KNDC1: variants seen among roughly 807,000 people sequenced by gnomAD.
KNDC1 encodes kinase non-catalytic C-lobe domain containing 1.
Under a neutral mutation model 172.8 loss-of-function variants are expected in KNDC1, and 106 were observed. That is an observed-to-expected ratio of 0.61 (90% CI 0.52 to 0.72). The LOEUF (loss-of-function observed/expected upper bound fraction) is 0.72, where lower values mean the gene tolerates loss of function less well. Ranked by LOEUF, KNDC1 falls within the 30% of genes least tolerant of loss-of-function variation. The pLI is 0.00. For missense variants in KNDC1, 2,325 were observed against 2,394.5 expected, an observed-to-expected ratio of 0.97 and a Z score of 0.61; for synonymous variants, 1,083 against 1,062.2, an observed-to-expected ratio of 1.02 and a Z score of -0.38.
rs941636198 is a variant in KNDC1 at position 133,198,826 on chromosome 10, C to A, written c.2318C>A (p.Ala773Asp). The change falls in exon 14 of 30, where the codon GCC (alanine) becomes GAC (aspartate). Residue 773 changes from alanine (A) to aspartate (D), a missense_variant. Transcript: ENST00000304613. ...GCCCCAGCAAACCAGCCAGAGGGGG[C>A]CTCATCGGCAGCTCCCGGCTCTCCA... is the stretch of plus-strand genomic sequence containing the variant. ...PQAPANQPEG[A>D]SSAAPGSPVP... is the part of the protein sequence containing the mutation. The A allele has an allele frequency of 3.1e-6, 5 of 1,600,298 alleles. No individual in the cohort carries two copies. The highest frequency in any genetic ancestry group is 3.4e-6 in the Non-Finnish European group (4 of 1,174,992).
Position 133,212,753 on chromosome 10 carries a change from T to C in KNDC1, c.4274T>C (p.Val1425Ala), listed in dbSNP as rs1222081232. Reference sequence around the variant, plus strand: ...AGGCTGCCCCGAGGCAACGGGCTGGTGCTGCCGCCACACAAGGAGCGCCCC... The same window carrying C: ...AGGCTGCCCCGAGGCAACGGGCTGGCGCTGCCGCCACACAAGGAGCGCCCC... ...PWRLPRGNGLVLPPHKERPYT... is the reference protein window; with the variant it reads ...PWRLPRGNGLALPPHKERPYT... The change falls in exon 24 of 30, where the codon GTG (valine) becomes GCG (alanine). Residue 1425 changes from valine (V) to alanine (A), a missense_variant. Val to Ala is a moderately conservative substitution (Grantham distance 64). Coordinates refer to ENST00000304613, the MANE Select transcript of KNDC1 (RefSeq NM_152643.8). 1 of 1,613,390 alleles carries C rather than the reference T, an allele frequency of 6.2e-7. No homozygotes were observed. Among genetic ancestry groups the C allele is most frequent in the Non-Finnish European group, 8.5e-7 (1 of 1,179,852 alleles).
At chr10:133,180,781 G>C (rs2135967986) in intron 3 of KNDC1, among the ~76,000 whole-genome samples, 1 of 152,376 alleles carries the variant, frequency 6.6e-6, no homozygotes, top group Admixed American at 6.5e-5. Context: ...CCTCAGCGGA[G>C]AAAGCATAGT....
At position 133,224,919 on chromosome 10, in the gene KNDC1, G is replaced by C; in HGVS notation, c.*29G>C. On this transcript the variant is annotated 3_prime_UTR_variant, in exon 30 of 30. Coordinates refer to ENST00000304613, the MANE Select transcript of KNDC1 (RefSeq NM_152643.8). The surrounding 1 kb of genome is among the most constrained non-coding windows in gnomAD (Gnocchi z 5.4). ...AGCTCGGGCCTGGTGTGGAATTCCA[G>C]ATCCGAATCCGACTGTGGGGGGCGG... 6.4e-7 allele frequency: 1 copy of C among 1,571,022 alleles called. No homozygotes were observed. Among genetic ancestry groups the C allele is most frequent in the South Asian group, 1.1e-5 (1 of 89,672 alleles).
intron 1 of KNDC1, among the ~76,000 whole-genome samples, chr10:133,165,428 C>T (rs1201099734): frequency 3.3e-5 from 5 of 152,166 alleles, no homozygotes; most frequent in Admixed American, 1.3e-4. Context: ...TGTGGGCTGG[C>T]GGCAGGCGCC....
intron 3 of KNDC1, among the ~76,000 whole-genome samples, chr10:133,173,704 T>C (rs1335354881): frequency 6.6e-6 from 1 of 152,244 alleles, no homozygotes; most frequent in Non-Finnish European, 1.5e-5. Context: ...CCCGGGTCAC[T>C]GTCTGGACAG....
chr10:133,206,411 C>T (rs1010691568), intron 17 of KNDC1, among the ~76,000 whole-genome samples: 1 of 152,144 alleles, frequency 6.6e-6, no homozygotes, highest in Non-Finnish European at 1.5e-5. Context: ...GAGCATCCCC[C>T]ACAAGGGCCT....
chr10:133,219,881 G>A (rs1012584991), intron 28 of KNDC1, 74 bp from the exon 29 acceptor site: 26 of 1,435,396 alleles, frequency 1.8e-5, no homozygotes, highest in Non-Finnish European at 1.9e-5. Flanking sequence ...GTTGGGCTGC[G>A]CTGGCCCCGG....
At chr10:133,181,894 G>A (rs1287439822) in intron 3 of KNDC1, among the ~76,000 whole-genome samples, 4 of 151,240 alleles carry the variant, frequency 2.6e-5, no homozygotes, top group Admixed American at 2.6e-4. Context: ...CTGCGAGGCA[G>A]TTTATGCCCC....
Position 133,224,181 on chromosome 10 carries a change from C to G in KNDC1, c.5019-478C>G, listed in dbSNP as rs1342300149. The stretch of plus-strand genomic sequence containing the variant: ...CAGTGTCCCCAGGCCTGGCTGAGGG[C>G]TCCTGCTCGTGACTGGCCAGCTTTC... On this transcript the variant is annotated intron_variant, in intron 29 of 29. Coordinates refer to ENST00000304613, the MANE Select transcript of KNDC1 (RefSeq NM_152643.8). The surrounding 1 kb of genome is among the most constrained non-coding windows in gnomAD (Gnocchi z 5.4). 6.6e-6 allele frequency among the ~76,000 whole-genome samples: 1 copy of G among 152,200 alleles called. No individual in the cohort carries two copies. Among genetic ancestry groups the G allele is most frequent in the Non-Finnish European group, 1.5e-5 (1 of 68,042 alleles).
intron 25 of KNDC1, 28 bp downstream of exon 25, chr10:133,213,755 G>A (rs766132419): frequency 1.2e-6 from 2 of 1,605,480 alleles, no homozygotes; most frequent in Non-Finnish European, 1.7e-6. Flanking sequence ...TCAGCTGGGA[G>A]CGGTGGTGGA....
rs750128097 is a variant in KNDC1 at position 133,180,862 on chromosome 10, A to G, written c.361-2482A>G. 1.8e-4 allele frequency among the ~76,000 whole-genome samples: 27 copies of G among 152,256 alleles called. 1 individual carries two copies. Among genetic ancestry groups the G allele is most frequent in the Admixed American group, 3.9e-4 (6 of 15,292 alleles). On this transcript the variant is annotated intron_variant, in intron 3 of 29. Coordinates refer to ENST00000304613, the MANE Select transcript of KNDC1 (RefSeq NM_152643.8). ...CGAACAGATGCTTGGTCTCATTCATAATTACAAAAATGCAAATTAACTCGA... is the reference window on the plus strand; with the variant it reads ...CGAACAGATGCTTGGTCTCATTCATGATTACAAAAATGCAAATTAACTCGA...
chr10:133,197,538 G>C (rs115339726), intron 11 of KNDC1, 137 bp from the exon 12 acceptor site: 2 of 725,948 alleles, frequency 2.8e-6, no homozygotes, highest in Non-Finnish European at 4.8e-6. Flanking sequence ...AGCTTGGGCC[G>C]TGTGGCCGCC....
rs189215249 is a variant in KNDC1 at position 133,189,871 on chromosome 10, G to A, written c.1575+58G>A. 5,703 of 1,229,462 alleles carry A rather than the reference G, an allele frequency of 4.6e-3. 22 individuals carry two copies. Among genetic ancestry groups the A allele is most frequent in the Non-Finnish European group, 4.8e-3 (4,238 of 891,282 alleles). 76.2% of individuals were successfully genotyped at this position (1,229,462 alleles called of 1,614,324 possible). ...TGCCCCCAGCCCTCGGGGATGCCAC[G>A]TCCCCCATCTGTCCAGCAGCCCCCC... On this transcript the variant is annotated intron_variant, in intron 9 of 29. Coordinates refer to ENST00000304613, the MANE Select transcript of KNDC1 (RefSeq NM_152643.8).
chr10:133,198,402 C>A lies in KNDC1; in HGVS notation c.1972C>A (p.Pro658Thr), dbSNP rs1163736562. 18 of 1,600,674 alleles carry A rather than the reference C, an allele frequency of 1.1e-5. No homozygotes were observed. The highest frequency in any genetic ancestry group is 1.4e-5 in the Non-Finnish European group (16 of 1,174,696). Residue 658 changes from proline to threonine, a missense_variant, in exon 13 of 30, where the codon CCC (proline) becomes ACC (threonine). Transcript: ENST00000304613. ...GCCAGGGCCCGTGCCCGGCCAGCAC[C>A]CCTGCGGTGAAGAAGCCACCCAGCT... The part of the protein sequence containing the change: ...AVPGPVPGQH[P>T]CGEEATQLPA...
chr10:133,200,807 C>G (rs1317850987), intron 16 of KNDC1, among the ~76,000 whole-genome samples: 1 of 152,176 alleles, frequency 6.6e-6, no homozygotes, highest in Admixed American at 6.5e-5. Context: ...AGGTGGGATC[C>G]GCTCTCCAAG....
chr10:133,176,757 C>T (rs1359849071), intron 3 of KNDC1, among the ~76,000 whole-genome samples: 1 of 152,200 alleles, frequency 6.6e-6, no homozygotes, highest in Non-Finnish European at 1.5e-5. Flanking sequence ...GGTATTAGAT[C>T]CCCTGGAGAC....
rs1845305570 is a variant in KNDC1, at chr10:133,209,397, T to G, written c.3795-1214T>G. On this transcript the variant is annotated intron_variant, in intron 20 of 29. Transcript: ENST00000304613. This position sits in a 1 kb window ranked among gnomAD's most constrained non-coding sequence, Gnocchi z 4.9. The stretch of plus-strand genomic sequence containing the variant: ...AGGTATAGTGTGGCATGTGTGCACA[T>G]GTGTGATCTGTGGTGTGTGGCGGGT... 1.3e-5 allele frequency among the ~76,000 whole-genome samples: 2 copies of G among 149,094 alleles called. No homozygotes were observed. Among genetic ancestry groups the G allele is most frequent in the African/African-American group, 2.5e-5 (1 of 40,596 alleles).
chr10:133,175,180 A>C (rs1853494739), intron 3 of KNDC1, among the ~76,000 whole-genome samples: 1 of 128,824 alleles, frequency 7.8e-6, no homozygotes. Context: ...ATGTGGATGG[A>C]TGAGTGGGTG....
At chr10:133,211,280 G>A in intron 21 of KNDC1, 142 bp from the exon 22 acceptor site, 1 of 723,554 alleles carries the variant, frequency 1.4e-6, no homozygotes. Context: ...GGGACCCACG[G>A]AAGACCCCCA....
Sources: allele counts gnomAD v4.1 joint callset (sites outside exome capture counted in the v4.1 genomes callset), GRCh38; gene constraint gnomAD v4.1.1; non-coding constraint Gnocchi (gnomAD v3.1); transcripts MANE v1.5; gene names NCBI Gene and HGNC (gene_info 2026-07-23, HGNC 2026-07-21).